The following RANBP2 variants were observed in gnomAD, a reference collection of about 807,000 sequenced individuals.
RANBP2 encodes E3 SUMO-protein ligase RanBP2.
In RANBP2, 57 loss-of-function variants were observed where a neutral mutation model predicts 303.6. The observed-to-expected ratio is 0.19, with a 90% CI of 0.15 to 0.23. The LOEUF is 0.23. Ranked by LOEUF, RANBP2 falls within the 10% of genes least tolerant of loss-of-function variation. The probability of loss-of-function intolerance (pLI) is 1.00; values close to 1 mark genes in which losing one functional copy is unlikely to be tolerated. For synonymous variants in RANBP2, 1,167 were observed against 1,301.5 expected (o/e 0.90, Z 2.23); for missense variants, 3,138 against 3,780.8 (o/e 0.83, Z 4.46).
chr2:108,791,503 C>G, the RANBP2 span: 1 of 695,996 alleles, frequency 1.4e-6, no homozygotes, highest in Non-Finnish European at 2.5e-6. Context: ...TATCAATGAT[C>G]AGTGACTGTT....
the RANBP2 span, among the ~76,000 whole-genome samples, chr2:109,290,983 G>A: frequency 6.6e-6 from 1 of 152,352 alleles, no homozygotes; most frequent in East Asian, 1.9e-4. Flanking sequence ...CATAGTAGGT[G>A]CACATTAAAT....
At chr2:108,921,311 T>C in the RANBP2 span, among the ~76,000 whole-genome samples, 1 of 152,194 alleles carries the variant, frequency 6.6e-6, no homozygotes, top group African/African-American at 2.4e-5. Context: ...ACCCATTGTC[T>C]GCTGTAGCTC....
the RANBP2 span, among the ~76,000 whole-genome samples, chr2:109,086,891 A>G: frequency 6.6e-6 from 1 of 152,170 alleles, no homozygotes; most frequent in African/African-American, 2.4e-5. Flanking sequence ...CCACATGGAG[A>G]GGCTTGCCCT....
the RANBP2 span, among the ~76,000 whole-genome samples, chr2:109,389,377 T>C: frequency 2.0e-5 from 3 of 152,228 alleles, no homozygotes; most frequent in Admixed American, 2.0e-4. Context: ...TTTCTGTCTT[T>C]GTGGGTGTGA....
At chr2:109,294,993 C>A in the RANBP2 span, among the ~76,000 whole-genome samples, 14 of 152,256 alleles carry the variant, frequency 9.2e-5, no homozygotes, top group African/African-American at 3.1e-4. Context: ...GGTAGCCAGG[C>A]CTTTTCCAAG....
chr2:108,987,232 G>A, the RANBP2 span, among the ~76,000 whole-genome samples: 4 of 152,218 alleles, frequency 2.6e-5, no homozygotes, highest in East Asian at 3.8e-4. Context: ...ACCACAAAAC[G>A]CACTCACTTG....
At chr2:109,195,230 G>T in the RANBP2 span, among the ~76,000 whole-genome samples, 1 of 137,648 alleles carries the variant, frequency 7.3e-6, no homozygotes, top group Non-Finnish European at 1.6e-5. Flanking sequence ...CTAGGACTAG[G>T]ACTGCCTACA....
At chr2:108,939,629 G>C in the RANBP2 span, among the ~76,000 whole-genome samples, 103,331 of 152,026 alleles carry the variant, frequency 0.68, 37,760 homozygotes, top group Non-Finnish European at 0.82. Flanking sequence ...TGCAGTCACA[G>C]TGTATCCCCT....
At chr2:108,964,108 A>G in the RANBP2 span, among the ~76,000 whole-genome samples, 1 of 152,186 alleles carries the variant, frequency 6.6e-6, no homozygotes, top group Non-Finnish European at 1.5e-5. Flanking sequence ...ATTTAAACAG[A>G]CACGTATGGC....
At chr2:109,339,160 G>A in the RANBP2 span, among the ~76,000 whole-genome samples, 1 of 151,918 alleles carries the variant, frequency 6.6e-6, no homozygotes, top group African/African-American at 2.4e-5. Flanking sequence ...AGAGGTAGAG[G>A]AGGTGGACGG....
chr2:109,377,705 C>T, the RANBP2 span, among the ~76,000 whole-genome samples: 3 of 152,122 alleles, frequency 2.0e-5, no homozygotes, highest in Non-Finnish European at 2.9e-5. Context: ...TTTGAGAGTG[C>T]TTATCTTCAG....
intron 17 of RANBP2, among the ~76,000 whole-genome samples, chr2:108,756,564 A>G (rs192828995): frequency 6.6e-6 from 1 of 152,218 alleles, no homozygotes; most frequent in East Asian, 1.9e-4. Flanking sequence ...TTGCACAAAA[A>G]TTTTGAATGT....
At chr2:108,934,574 T>C in the RANBP2 span, among the ~76,000 whole-genome samples, 1 of 152,304 alleles carries the variant, frequency 6.6e-6, no homozygotes, top group East Asian at 1.9e-4. Flanking sequence ...GAAGTTTATT[T>C]GGGGTTCTGG....
At chr2:109,243,502 T>C in the RANBP2 span, among the ~76,000 whole-genome samples, 5 of 152,154 alleles carry the variant, frequency 3.3e-5, no homozygotes, top group Admixed American at 3.3e-4. Context: ...CAGGAAATGC[T>C]CATGAAAAAA....
At chr2:109,381,705 G>C in the RANBP2 span, among the ~76,000 whole-genome samples, 1 of 152,074 alleles carries the variant, frequency 6.6e-6, no homozygotes, top group Non-Finnish European at 1.5e-5. Flanking sequence ...AGCTTTACTG[G>C]TGACATCAGT....
At chr2:108,805,071 C>G in the RANBP2 span, 2 of 925,862 alleles carry the variant, frequency 2.2e-6, no homozygotes, top group Non-Finnish European at 2.9e-6. Context: ...TTATATATAA[C>G]AAATTAAAGT....
At chr2:109,712,786 G>A in the RANBP2 span, among the ~76,000 whole-genome samples, 3 of 152,214 alleles carry the variant, frequency 2.0e-5, no homozygotes, top group Non-Finnish European at 4.4e-5. Context: ...AATCTAGGCC[G>A]ATTCATGATT....
the RANBP2 span, among the ~76,000 whole-genome samples, chr2:109,173,457 A>G: frequency 9.7e-4 from 147 of 152,296 alleles, no homozygotes; most frequent in African/African-American, 3.2e-3. Flanking sequence ...TTGCCTCTCC[A>G]GTTGACTCTG....
At chr2:109,099,294 G>T in the RANBP2 span, among the ~76,000 whole-genome samples, 1 of 152,240 alleles carries the variant, frequency 6.6e-6, no homozygotes, top group Non-Finnish European at 1.5e-5. Flanking sequence ...GTAAAATTAG[G>T]CTCTATATGT....
Sources: gnomAD v4.1 joint callset for allele counts (sites outside exome capture counted in the v4.1 genomes callset) on GRCh38, gnomAD v4.1.1 for gene constraint, MANE v1.5 for transcripts, NCBI Gene and HGNC (gene_info 2026-07-23, HGNC 2026-07-21) for gene names.